Variants in CNBD1 observed in about 807,000 individuals in gnomAD.
The protein encoded by CNBD1 is cyclic nucleotide-binding domain-containing protein 1.
CNBD1 carries 71 observed loss-of-function variants against 54.4 expected under a neutral mutation model. That is an observed-to-expected ratio of 1.30 (90% CI 1.08 to 1.59). The LOEUF is 1.59. CNBD1 is among the 40% of genes most tolerant of loss of function. The pLI is 0.00. For missense variants in CNBD1, 659 were observed against 518.0 expected (o/e 1.27, Z -2.64); for synonymous variants, 182 against 170.7 (o/e 1.07, Z -0.51).
intron 3 of CNBD1, among the ~76,000 whole-genome samples, chr8:86,927,805 G>T (rs1423588507): frequency 1.3e-5 from 2 of 152,146 alleles, no homozygotes; most frequent in African/African-American, 4.8e-5. Flanking sequence ...TTTTTCCTCA[G>T]GATAAGCTGT....
chr8:87,234,429 G>C (rs1807530580), intron 5 of CNBD1, among the ~76,000 whole-genome samples: 1 of 152,150 alleles, frequency 6.6e-6, no homozygotes, highest in Non-Finnish European at 1.5e-5. Context: ...CCTCTTGATT[G>C]ATAGGTTGCA....
intron 6 of CNBD1, among the ~76,000 whole-genome samples, chr8:87,242,928 C>G (rs557344849): frequency 1.1e-3 from 166 of 152,230 alleles, no homozygotes; most frequent in Non-Finnish European, 1.7e-3. Context: ...CTGTCAATAA[C>G]AAAACCTCTG....
chr8:87,194,658 A>AT (rs572221756), intron 4 of CNBD1, among the ~76,000 whole-genome samples: 14 of 152,158 alleles, frequency 9.2e-5, no homozygotes, highest in Non-Finnish European at 2.1e-4. Flanking sequence ...ACTAATGTTA[A>AT]TATGTGTATC....
intron 5 of CNBD1, among the ~76,000 whole-genome samples, chr8:87,222,596 A>C (rs962024238): frequency 1.3e-5 from 2 of 152,150 alleles, no homozygotes; most frequent in Non-Finnish European, 1.5e-5. Flanking sequence ...GACCTTATTC[A>C]TCCAATTATA....
intron 4 of CNBD1, among the ~76,000 whole-genome samples, chr8:87,155,435 T>C (rs1812694681): frequency 6.6e-6 from 1 of 152,186 alleles, no homozygotes; most frequent in Non-Finnish European, 1.5e-5. Flanking sequence ...AGGACAGCAG[T>C]AATCCAGACA....
intron 1 of CNBD1, among the ~76,000 whole-genome samples, chr8:86,885,626 A>T (rs1808671158): frequency 6.6e-6 from 1 of 152,230 alleles, no homozygotes; most frequent in South Asian, 2.1e-4. Flanking sequence ...TTACAATTTC[A>T]TGTTGAAACC....
intron 10 of CNBD1, among the ~76,000 whole-genome samples, chr8:87,363,589 A>T (rs1445666831): frequency 1.3e-5 from 2 of 151,986 alleles, no homozygotes; most frequent in East Asian, 1.9e-4. Context: ...TTTGATTTGC[A>T]TTTCTCTAAT....
At chr8:86,938,818 G>T (rs1809597410) in intron 3 of CNBD1, among the ~76,000 whole-genome samples, 1 of 152,202 alleles carries the variant, frequency 6.6e-6, no homozygotes, top group African/African-American at 2.4e-5. Flanking sequence ...AGAGTAGCCA[G>T]CACATTTAAG....
At chr8:87,003,598 A>T (rs1022849532) in intron 4 of CNBD1, among the ~76,000 whole-genome samples, 4 of 152,256 alleles carry the variant, frequency 2.6e-5, no homozygotes, top group African/African-American at 9.6e-5. Flanking sequence ...TTATCAAGAA[A>T]AGATAAATCC....
intron 4 of CNBD1, among the ~76,000 whole-genome samples, chr8:87,007,647 T>G (rs1432676635): frequency 6.6e-6 from 1 of 152,178 alleles, no homozygotes; most frequent in Non-Finnish European, 1.5e-5. Flanking sequence ...CAGATGAAAT[T>G]AAGTCACTTA....
chr8:87,410,261 G>T (rs1807719270), intron 2 of CNBD1, among the ~76,000 whole-genome samples: 1 of 152,092 alleles, frequency 6.6e-6, no homozygotes, highest in Non-Finnish European at 1.5e-5. Flanking sequence ...GGATTGAAAA[G>T]TAATTTCGAT....
At chr8:87,388,460 A>G (rs1344352217) in intron 2 of CNBD1, among the ~76,000 whole-genome samples, 2 of 152,196 alleles carry the variant, frequency 1.3e-5, no homozygotes, top group East Asian at 1.9e-4. Flanking sequence ...CCATCAGAGA[A>G]TACTATAAAC....
At chr8:87,051,326 C>A (rs1469289301) in intron 4 of CNBD1, among the ~76,000 whole-genome samples, 1 of 152,108 alleles carries the variant, frequency 6.6e-6, no homozygotes, top group Non-Finnish European at 1.5e-5. Flanking sequence ...CAGAATCACC[C>A]AGGGCTCCTG....
At chr8:86,956,931 GT>G (rs1379625003) in intron 4 of CNBD1, among the ~76,000 whole-genome samples, 2 of 152,138 alleles carry the variant, frequency 1.3e-5, no homozygotes, top group Non-Finnish European at 2.9e-5. Flanking sequence ...AATGCTTCCA[GT>G]TTTTGCCCAT....
At chr8:87,217,110 CT>C (rs895859841) in intron 5 of CNBD1, among the ~76,000 whole-genome samples, 1 of 151,982 alleles carries the variant, frequency 6.6e-6, no homozygotes, top group Non-Finnish European at 1.5e-5. Context: ...AAAATAAACT[CT>C]TTTTTATGAA....
chr8:87,208,151 T>A (rs1814017423), intron 5 of CNBD1, among the ~76,000 whole-genome samples: 1 of 152,194 alleles, frequency 6.6e-6, no homozygotes, highest in African/African-American at 2.4e-5. Flanking sequence ...TCCATTTCTC[T>A]GGTGCAATTC....
intron 4 of CNBD1, among the ~76,000 whole-genome samples, chr8:87,193,666 T>C (rs957847367): frequency 1.1e-4 from 17 of 152,346 alleles, no homozygotes; most frequent in East Asian, 5.8e-4. Context: ...AATCAAGATA[T>C]TCCTGTTTTA....
At chr8:87,150,102 G>A (rs565867138) in intron 4 of CNBD1, among the ~76,000 whole-genome samples, 20 of 152,174 alleles carry the variant, frequency 1.3e-4, no homozygotes, top group Non-Finnish European at 2.5e-4. Context: ...GCGTGAACCC[G>A]GGAGGCGGAG....
intron 2 of CNBD1, among the ~76,000 whole-genome samples, chr8:87,389,669 A>G (rs1342681482): frequency 2.0e-5 from 3 of 152,240 alleles, no homozygotes; most frequent in Non-Finnish European, 4.4e-5. Flanking sequence ...AAAAATGGCC[A>G]TACTGCCCAA....
Sources: gnomAD v4.1 joint callset for allele counts (sites outside exome capture counted in the v4.1 genomes callset) on GRCh38, gnomAD v4.1.1 for gene constraint, MANE v1.5 for transcripts, NCBI Gene and HGNC (gene_info 2026-07-23, HGNC 2026-07-21) for gene names.